KAZN: variants seen among roughly 807,000 people sequenced by gnomAD.
KAZN encodes kazrin, periplakin interacting protein, also known as kazrin.
Under a neutral mutation model 87.4 loss-of-function variants are expected in KAZN, and 40 were observed. The ratio of observed to expected loss-of-function variants is 0.46; its 90% CI spans 0.36 to 0.60. The LOEUF is 0.60. Among genes scored for constraint, KAZN ranks in the 20% least tolerant of loss-of-function variants. The pLI, the probability that KAZN is intolerant of heterozygous loss-of-function variation, is 0.00. For missense variants in KAZN, 898 were observed against 1,073.9 expected, an observed-to-expected ratio of 0.84 and a Z score of 2.29; for synonymous variants, 466 against 458.3, an observed-to-expected ratio of 1.02 and a Z score of -0.22.
intron 1 of KAZN, among the ~76,000 whole-genome samples, chr1:14,747,335 G>A (rs1411589165): frequency 6.6e-6 from 1 of 152,034 alleles, no homozygotes. Flanking sequence ...GGAGTGCAGT[G>A]ACACGCTTTC....
At chr1:14,231,172 G>A (rs1470496130) in intron 2 of KAZN, among the ~76,000 whole-genome samples, 1 of 152,164 alleles carries the variant, frequency 6.6e-6, no homozygotes, top group Non-Finnish European at 1.5e-5. Flanking sequence ...GTTCTTATTA[G>A]TAGGGAAAAG....
chr1:14,028,439 C>T (rs1459005053), intron 1 of KAZN, among the ~76,000 whole-genome samples: 1 of 152,140 alleles, frequency 6.6e-6, no homozygotes, highest in Non-Finnish European at 1.5e-5. Context: ...GCATAACCAG[C>T]CAGCCAGCCG....
intron 1 of KAZN, among the ~76,000 whole-genome samples, chr1:14,737,879 C>G (rs75600268): frequency 6.6e-6 from 1 of 152,140 alleles, no homozygotes; most frequent in Admixed American, 6.5e-5. Flanking sequence ...AGGGCCCCGG[C>G]TCTTTTAAGG....
At chr1:14,921,096 C>T (rs1246228531) in intron 1 of KAZN, among the ~76,000 whole-genome samples, 1 of 151,710 alleles carries the variant, frequency 6.6e-6, no homozygotes, top group Non-Finnish European at 1.5e-5. Context: ...TGGGAACCTC[C>T]AGAAAACTGG....
At chr1:14,256,012 T>C (rs1650482236) in intron 2 of KAZN, among the ~76,000 whole-genome samples, 1 of 152,204 alleles carries the variant, frequency 6.6e-6, no homozygotes, top group Admixed American at 6.5e-5. Flanking sequence ...TTGGAGACTC[T>C]CTGTCGCAGC....
chr1:14,742,608 T>G (rs1231634552), intron 1 of KAZN, among the ~76,000 whole-genome samples: 1 of 152,198 alleles, frequency 6.6e-6, no homozygotes, highest in Non-Finnish European at 1.5e-5. Flanking sequence ...CTCCCTGTGC[T>G]TTTTCTCGCT....
At chr1:14,562,305 A>G (rs1674307232) in intron 2 of KAZN, among the ~76,000 whole-genome samples, 2 of 152,150 alleles carry the variant, frequency 1.3e-5, no homozygotes, top group Admixed American at 1.3e-4. Flanking sequence ...CCAATCTGAA[A>G]TATTTGGGAT....
At position 14,726,406 on chromosome 1, in the gene KAZN, C is replaced by T. The variant is rs961171817; in HGVS notation, c.226+127183C>T. The stretch of plus-strand genomic sequence containing the variant: ...AGAAGGAAGCGTCCCCTGGGAGACG[C>T]GTTCCCAGCATCTCAGCAGGTGTGG... On this transcript the variant is annotated intron_variant, in intron 1 of 14. Transcript: ENST00000376030. Among the ~76,000 whole-genome samples the T allele has an allele frequency of 5.3e-5, 8 of 152,304 alleles. No individual in the cohort carries two copies. In the South Asian group the frequency reaches 6.2e-4, roughly 12 times the overall value.
At chr1:14,057,567 T>C (rs1642627361) in intron 1 of KAZN, among the ~76,000 whole-genome samples, 1 of 152,222 alleles carries the variant, frequency 6.6e-6, no homozygotes, top group Non-Finnish European at 1.5e-5. Context: ...TGGTCTATGG[T>C]CCTGATCTGG....
rs184410111 is a variant in KAZN at position 14,808,458 on chromosome 1, G to A, written c.227-152226G>A. Among the ~76,000 whole-genome samples the A allele has an allele frequency of 4.3e-4, 65 of 150,872 alleles. 1 individual carries two copies. Among genetic ancestry groups the A allele is most frequent in the South Asian group, 4.2e-4 (2 of 4,764 alleles). On this transcript the variant is annotated intron_variant, in intron 1 of 14. Coordinates refer to ENST00000376030, the MANE Select transcript of KAZN (RefSeq NM_201628.3). ...ATTACAGGCAAGTGCCACCACGGTC[G>A]GCTAATTTTTTTTTTTTTTAGTAGA... is the stretch of plus-strand genomic sequence containing the variant.
At chr1:14,344,508 T>C (rs1322258134) in intron 2 of KAZN, among the ~76,000 whole-genome samples, 1 of 152,152 alleles carries the variant, frequency 6.6e-6, no homozygotes, top group Non-Finnish European at 1.5e-5. Flanking sequence ...GTTGGGGACA[T>C]AGCAGAAGGC....
chr1:15,014,098 C>G (rs901592349), intron 2 of KAZN, among the ~76,000 whole-genome samples: 2 of 152,112 alleles, frequency 1.3e-5, no homozygotes, highest in Admixed American at 6.6e-5. Context: ...AGTTTGCTCT[C>G]TGGTCCAAGA....
intron 1 of KAZN, among the ~76,000 whole-genome samples, chr1:14,162,047 G>T (rs780076146): frequency 3.9e-5 from 6 of 152,182 alleles, no homozygotes; most frequent in Non-Finnish European, 7.3e-5. Context: ...AACACCTCAG[G>T]CATGGGTCAA....
At chr1:14,117,203 G>T (rs1177874934) in intron 1 of KAZN, among the ~76,000 whole-genome samples, 2 of 152,166 alleles carry the variant, frequency 1.3e-5, no homozygotes. Flanking sequence ...AGGGGCCGAG[G>T]TGGAATGATA....
intron 1 of KAZN, among the ~76,000 whole-genome samples, chr1:14,714,749 T>C (rs993866381): frequency 4.0e-5 from 6 of 151,744 alleles, no homozygotes; most frequent in African/African-American, 1.5e-4. Context: ...TTTCACACTT[T>C]GGGGATGAAA....
At chr1:13,964,839 C>T (rs1641885438) in intron 1 of KAZN, among the ~76,000 whole-genome samples, 1 of 152,144 alleles carries the variant, frequency 6.6e-6, no homozygotes. Flanking sequence ...GTCAATCTAC[C>T]ACAGTGAGAA....
At chr1:14,572,506 C>T (rs1674931293) in intron 2 of KAZN, among the ~76,000 whole-genome samples, 1 of 152,208 alleles carries the variant, frequency 6.6e-6, no homozygotes, top group African/African-American at 2.4e-5. Flanking sequence ...GTCCCCAGAT[C>T]TCTGATCTGT....
Position 14,182,022 on chromosome 1 carries a change from C to T in KAZN, c.249+1430C>T, listed in dbSNP as rs150521569. Among the ~76,000 whole-genome samples, 236 of 151,720 alleles carry T rather than the reference C, an allele frequency of 1.6e-3. 1 individual carries two copies. Among genetic ancestry groups the T allele is most frequent in the African/African-American group, 5.3e-3 (221 of 41,406 alleles). On this transcript the variant is annotated intron_variant, in intron 2 of 16. Transcript: ENST00000636203. Reference sequence around the variant, plus strand: ...TGGATTTCAAAAATGTTTCATATTCCGGAAATGTTTGCTCCCACCGAGTGC... The same window carrying T: ...TGGATTTCAAAAATGTTTCATATTCTGGAAATGTTTGCTCCCACCGAGTGC...
At chr1:14,984,822 T>C (rs910511228) in intron 2 of KAZN, among the ~76,000 whole-genome samples, 3 of 152,074 alleles carry the variant, frequency 2.0e-5, no homozygotes, top group Non-Finnish European at 4.4e-5. Flanking sequence ...GATGGGACAA[T>C]TGAACATCCA....
Sources: gnomAD v4.1 joint callset for allele counts (sites outside exome capture counted in the v4.1 genomes callset) on GRCh38, gnomAD v4.1.1 for gene constraint, MANE v1.5 for transcripts, NCBI Gene and HGNC (gene_info 2026-07-23, HGNC 2026-07-21) for gene names.